Variants in MAPK6 observed in about 807,000 individuals in gnomAD.
MAPK6 encodes the protein mitogen-activated protein kinase 6, also known as ERK-3.
MAPK6 carries 19 observed loss-of-function variants against 59.3 expected under a neutral mutation model. That is an observed-to-expected ratio of 0.32 (90% CI 0.22 to 0.47). MAPK6 has a LOEUF of 0.47. Among genes scored for constraint, MAPK6 ranks in the 20% least tolerant of loss-of-function variants. The pLI is 1.00. For synonymous variants in MAPK6, 316 were observed against 290.3 expected, an observed-to-expected ratio of 1.09 and a Z score of -0.90; for missense variants, 724 against 847.9, an observed-to-expected ratio of 0.85 and a Z score of 1.81.
intron 5 of MAPK6, among the ~76,000 whole-genome samples, chr15:52,063,642 A>G (rs1020702215): frequency 1.3e-5 from 2 of 152,162 alleles, no homozygotes; most frequent in Non-Finnish European, 2.9e-5. Context: ...TTTTGTGGCT[A>G]TGAAGTCTTT....
intron 1 of MAPK6, among the ~76,000 whole-genome samples, chr15:52,045,299 A>G (rs1332473234): frequency 1.3e-5 from 2 of 152,236 alleles, no homozygotes; most frequent in African/African-American, 4.8e-5. Context: ...TATCAGTCAC[A>G]TTAAATACCT....
chr15:52,030,315 TTGTC>T (rs2030977622), intron 1 of MAPK6, among the ~76,000 whole-genome samples: 2 of 152,232 alleles, frequency 1.3e-5, no homozygotes, highest in South Asian at 4.1e-4. Flanking sequence ...CAGAAGAACC[TTGTC>T]TGTCTTATTC....
intron 1 of MAPK6, among the ~76,000 whole-genome samples, chr15:52,029,389 C>G (rs909931473): frequency 6.6e-6 from 1 of 152,132 alleles, no homozygotes; most frequent in African/African-American, 2.4e-5. Flanking sequence ...CAGGATAAAA[C>G]TCCTGGGTTT....
chr15:52,036,646 A>G (rs2031250115), intron 1 of MAPK6, among the ~76,000 whole-genome samples: 1 of 152,226 alleles, frequency 6.6e-6, no homozygotes, highest in African/African-American at 2.4e-5. Flanking sequence ...TTTGGGGGAC[A>G]CATTCAAAGC....
At chr15:52,063,784 C>G in intron 5 of MAPK6, 118 bp from the exon 6 acceptor site, 1 of 745,594 alleles carries the variant, frequency 1.3e-6, no homozygotes, top group Non-Finnish European at 1.9e-6. Context: ...GGCATATTTA[C>G]TCTCCTATAA....
Position 52,046,058 on chromosome 15 carries a change from TGAG to T in MAPK6, c.-399_-397del. 1 of 186,688 alleles carries T rather than the reference TGAG, an allele frequency of 5.4e-6. No homozygotes were observed. The highest frequency in any genetic ancestry group is 1.5e-4 in the East Asian group (1 of 6,822). The allele number at this position is 186,688 out of a possible 1,614,324, so 11.6% of individuals were successfully genotyped here. A position where few individuals can be genotyped will look rare whatever the true frequency, so the allele number is the denominator to read the frequency against. On this transcript the variant is annotated 5_prime_UTR_variant, in exon 2 of 6. Transcript: ENST00000261845. ...TCCAACACTGAATGTATCTGCACTG[TGAG>T]GAGAATGTTCATAGAAGCCTGTTGT... is the stretch of plus-strand genomic sequence containing the variant.
chr15:52,019,729 C>A (rs1281387460), intron 1 of MAPK6, among the ~76,000 whole-genome samples: 1 of 151,046 alleles, frequency 6.6e-6, no homozygotes, highest in African/African-American at 2.4e-5. Flanking sequence ...TCCCTGGCCC[C>A]GCACGCCTGC....
At chr15:51,972,331 G>A (rs1320405637) in intron 1 of MAPK6, among the ~76,000 whole-genome samples, 1 of 151,888 alleles carries the variant, frequency 6.6e-6, no homozygotes, top group Non-Finnish European at 1.5e-5. Context: ...TAGACACGGG[G>A]TTTCACCGTG....
At chr15:51,973,888 G>C (rs1212630274) in intron 1 of MAPK6, among the ~76,000 whole-genome samples, 1 of 151,808 alleles carries the variant, frequency 6.6e-6, no homozygotes, top group Non-Finnish European at 1.5e-5. Context: ...CTGACCTCAG[G>C]TGATCCACCC....
At position 52,065,083 on chromosome 15, in the gene MAPK6, A is replaced by G. The variant is rs1245056682; in HGVS notation, c.*83A>G. The G allele has an allele frequency of 1.5e-6, 2 of 1,316,392 alleles. No individual in the cohort carries two copies. Among genetic ancestry groups the G allele is most frequent in the Non-Finnish European group, 2.1e-6 (2 of 975,298 alleles). The allele number at this position is 1,316,392 out of a possible 1,614,324, so 81.5% of individuals were successfully genotyped here. On this transcript the variant is annotated 3_prime_UTR_variant, in exon 6 of 6. Transcript: ENST00000261845. Reference sequence around the variant, plus strand: ...ATTACTAGTGTTTAAGTCATTTTTTACTTGAATCAGATGGTGTCATTTAGT... The same window carrying G: ...ATTACTAGTGTTTAAGTCATTTTTTGCTTGAATCAGATGGTGTCATTTAGT...
At chr15:52,002,279 C>A (rs539872038) in intron 2 of MAPK6, among the ~76,000 whole-genome samples, 9 of 152,318 alleles carry the variant, frequency 5.9e-5, no homozygotes, top group South Asian at 2.1e-4. Flanking sequence ...CCCAGTTCAC[C>A]ACTAGTGAAA....
At chr15:51,984,672 A>G (rs1328968346) in intron 2 of MAPK6, among the ~76,000 whole-genome samples, 2 of 151,434 alleles carry the variant, frequency 1.3e-5, no homozygotes, top group African/African-American at 2.4e-5. Context: ...GTAAAAGCTT[A>G]ACAACCAGTT....
In MAPK6 at chr15:52,064,666, G is replaced by C. The variant is rs1213205140; in HGVS notation, c.1832G>C (p.Cys611Ser). The change falls in exon 6 of 6, where the codon TGT becomes TCT. Residue 611 changes from cysteine to serine, a missense_variant. Coordinates refer to ENST00000261845, the MANE Select transcript of MAPK6 (RefSeq NM_002748.4). ...GACTGTTTTTTCATAAATCAGTTTT[G>C]TGAGGTAAGGAAGGATGAACAAGTT... The part of the protein sequence containing the change: ...GEDCFFINQF[C>S]EVRKDEQVEK... 1 of 1,611,900 alleles carries C rather than the reference G, an allele frequency of 6.2e-7. No individual in the cohort carries two copies. The highest frequency in any genetic ancestry group is 8.5e-7 in the Non-Finnish European group (1 of 1,179,770).
chr15:52,010,136 G>A (rs894979634), intron 3 of MAPK6, among the ~76,000 whole-genome samples: 6 of 152,120 alleles, frequency 3.9e-5, no homozygotes, highest in Admixed American at 2.0e-4. Context: ...ATGATAGAAC[G>A]TTTGTAAAGT....
At chr15:51,980,703 G>A (rs558903166) in intron 1 of MAPK6, among the ~76,000 whole-genome samples, 3 of 151,146 alleles carry the variant, frequency 2.0e-5, no homozygotes, top group South Asian at 4.2e-4. Flanking sequence ...CGACTCTCCT[G>A]CCTCAGCCTC....
chr15:52,016,070 G>GCGCGCGCGCGCACACACACACA, upstream of MAPK6, among the ~76,000 whole-genome samples: 11 of 55,388 alleles, frequency 2.0e-4, no homozygotes, highest in Admixed American at 3.9e-4. Context: ...GCGCGCGCGC[G>GCGCGCGCGCGCACACACACACA]CACACACACA....
At chr15:51,990,732 C>T (rs927467248) in intron 2 of MAPK6, among the ~76,000 whole-genome samples, 6 of 152,208 alleles carry the variant, frequency 3.9e-5, no homozygotes, top group African/African-American at 1.2e-4. Flanking sequence ...AGGCGGATCA[C>T]GAGGTCGGGA....
intron 2 of MAPK6, among the ~76,000 whole-genome samples, chr15:52,003,863 A>G (rs1199525434): frequency 6.6e-6 from 1 of 152,274 alleles, no homozygotes; most frequent in Non-Finnish European, 1.5e-5. Flanking sequence ...AGAGTGAAAC[A>G]GTAAATTGAA....
intron 1 of MAPK6, among the ~76,000 whole-genome samples, chr15:51,972,419 A>C (rs911100269): frequency 2.5e-4 from 24 of 96,278 alleles, no homozygotes; most frequent in Non-Finnish European, 3.8e-4. Context: ...GATTACAGGT[A>C]CGGGTATTGA....
Sources: allele counts gnomAD v4.1 joint callset (sites outside exome capture counted in the v4.1 genomes callset), GRCh38; gene constraint gnomAD v4.1.1; transcripts MANE v1.5; gene names NCBI Gene and HGNC (gene_info 2026-07-23, HGNC 2026-07-21).